NRXN3: variants seen among roughly 807,000 people sequenced by gnomAD.
NRXN3 encodes the protein neurexin 3.
In NRXN3, 32 loss-of-function variants were observed where a neutral mutation model predicts 137.6. That is an observed-to-expected ratio of 0.23 (90% confidence interval 0.18 to 0.31). The LOEUF is 0.31. Among genes scored for constraint, NRXN3 ranks in the 10% least tolerant of loss-of-function variants. NRXN3 has a pLI of 1.00. For missense variants in NRXN3, 1,574 were observed against 2,062.5 expected (o/e 0.76, Z 4.59); for synonymous variants, 798 against 784.5 (o/e 1.02, Z -0.29).
At chr14:78,511,741 A>G (rs1415905841) in intron 4 of NRXN3, among the ~76,000 whole-genome samples, 4 of 152,196 alleles carry the variant, frequency 2.6e-5, no homozygotes. Flanking sequence ...TTTATCCATC[A>G]TTACTAAGAA....
intron 4 of NRXN3, among the ~76,000 whole-genome samples, chr14:78,487,611 A>T (rs200875493): frequency 6.6e-6 from 1 of 151,930 alleles, no homozygotes; most frequent in Admixed American, 6.6e-5. Context: ...GTGTGGTGGC[A>T]TGCATCTCTA....
At chr14:78,590,945 C>G (rs1172346564) in intron 4 of NRXN3, among the ~76,000 whole-genome samples, 2 of 152,050 alleles carry the variant, frequency 1.3e-5, no homozygotes, top group African/African-American at 4.8e-5. Flanking sequence ...ATGGTAAATT[C>G]CAATTAACAA....
intron 16 of NRXN3, among the ~76,000 whole-genome samples, chr14:79,663,504 G>C (rs777160370): frequency 1.3e-5 from 2 of 152,078 alleles, no homozygotes; most frequent in Non-Finnish European, 2.9e-5. Flanking sequence ...ATAGCTACTA[G>C]GTAGTTCCAG....
Position 78,421,930 on chromosome 14 carries a change from T to C in NRXN3, c.757+124070T>C, listed in dbSNP as rs756954496. On this transcript the variant is annotated intron_variant, in intron 4 of 20. Coordinates refer to ENST00000335750, the MANE Select transcript of NRXN3 (RefSeq NM_001330195.2). ...AAGCAACAAGCGCCAGCTATTTCTCTAGTGGCATGTTAATCTTATGCAGTA... is the reference window on the plus strand; with the variant it reads ...AAGCAACAAGCGCCAGCTATTTCTCCAGTGGCATGTTAATCTTATGCAGTA... Among the ~76,000 whole-genome samples, 63 of 152,326 alleles carry C rather than the reference T, an allele frequency of 4.1e-4. 1 individual carries two copies. Among genetic ancestry groups the C allele is most frequent in the Non-Finnish European group, 6.5e-4 (44 of 68,022 alleles).
At chr14:78,231,487 C>T (rs6574427) in intron 1 of NRXN3, 38,165 of 152,138 alleles carry the variant, frequency 0.25, 4,908 homozygotes, top group Middle Eastern at 0.29. Context: ...GCAGTCTCTG[C>T]TGTATTTTGG....
intron 16 of NRXN3, among the ~76,000 whole-genome samples, chr14:79,538,962 C>T (rs974450392): frequency 6.6e-6 from 1 of 152,188 alleles, no homozygotes; most frequent in Non-Finnish European, 1.5e-5. Flanking sequence ...ACCCTGTGAA[C>T]TTATCCCTAT....
At chr14:78,348,274 A>G (rs971495347) in intron 4 of NRXN3, among the ~76,000 whole-genome samples, 18 of 152,206 alleles carry the variant, frequency 1.2e-4, no homozygotes, top group Admixed American at 1.1e-3. Context: ...GGGGATTCCT[A>G]TACACATTCT....
intron 1 of NRXN3, among the ~76,000 whole-genome samples, chr14:78,206,883 A>G (rs1473533630): frequency 6.6e-6 from 1 of 151,146 alleles, no homozygotes; most frequent in Non-Finnish European, 1.5e-5. Context: ...TTGTTTTTTG[A>G]GATGGAGTCT....
intron 14 of NRXN3, among the ~76,000 whole-genome samples, chr14:78,971,342 G>C (rs2099439160): frequency 6.6e-6 from 1 of 151,942 alleles, no homozygotes; most frequent in African/African-American, 2.4e-5. Flanking sequence ...ACAAGTAGGG[G>C]ATGAGGTTTT....
At chr14:79,468,785 G>T (rs1331880126) in intron 16 of NRXN3, among the ~76,000 whole-genome samples, 2 of 152,190 alleles carry the variant, frequency 1.3e-5, no homozygotes, top group African/African-American at 4.8e-5. Flanking sequence ...CCAGATCAGG[G>T]CAAGACTCTG....
At chr14:79,414,409 G>A (rs75525981) in intron 15 of NRXN3, among the ~76,000 whole-genome samples, 4,723 of 151,986 alleles carry the variant, frequency 0.031, 249 homozygotes, top group African/African-American at 0.11. Flanking sequence ...TCCTTTTAGG[G>A]ATTAGTTCTT....
At chr14:78,208,607 C>T (rs544467054) in intron 1 of NRXN3, among the ~76,000 whole-genome samples, 1 of 152,176 alleles carries the variant, frequency 6.6e-6, no homozygotes, top group Non-Finnish European at 1.5e-5. Flanking sequence ...ATTAGAGTGA[C>T]GAGGCTGGAG....
At chr14:79,848,229 T>G (rs1329174291) in intron 20 of NRXN3, among the ~76,000 whole-genome samples, 23 of 152,192 alleles carry the variant, frequency 1.5e-4, no homozygotes. Flanking sequence ...GAAAGGACAG[T>G]GCAAATGGCC....
chr14:78,609,947 C>A (rs970827408), intron 4 of NRXN3, among the ~76,000 whole-genome samples: 1 of 151,146 alleles, frequency 6.6e-6, no homozygotes, highest in Admixed American at 6.6e-5. Context: ...AAACAGGGAT[C>A]CTTGAAGAAG....
At chr14:78,965,522 G>A (rs896093854) in intron 11 of NRXN3, among the ~76,000 whole-genome samples, 3 of 152,068 alleles carry the variant, frequency 2.0e-5, no homozygotes, top group Non-Finnish European at 4.4e-5. Flanking sequence ...GAAAAATTAC[G>A]TGTTATTATA....
At chr14:78,646,813 C>T (rs1028453494) in intron 5 of NRXN3, among the ~76,000 whole-genome samples, 4 of 152,132 alleles carry the variant, frequency 2.6e-5, no homozygotes, top group African/African-American at 4.8e-5. Context: ...TATCTTCTTT[C>T]GTCATTCCTC....
rs1567302849 is a variant in NRXN3, at chr14:79,499,992, T to TGTGTGTGTGTG, written c.3444+32590_3444+32591insGTGTGTGTGTG. On this transcript the variant is annotated intron_variant, in intron 16 of 20. Coordinates refer to ENST00000335750, the MANE Select transcript of NRXN3 (RefSeq NM_001330195.2). ...GTGTGTGTGTGTGTGTGTGTGTGTGTTAAAGGACGAATAAAGTAAATAAAC... is the reference window on the plus strand; with the variant it reads ...GTGTGTGTGTGTGTGTGTGTGTGTGTGTGTGTGTGTGTAAAGGACGAATAAAGTAAATAAAC... Among the ~76,000 whole-genome samples the TGTGTGTGTGTG allele has an allele frequency of 4.9e-5, 7 of 144,100 alleles. No individual in the cohort carries two copies. In the South Asian group the frequency reaches 6.6e-4, roughly 14 times the overall value. 94.5% of individuals were successfully genotyped at this position (144,100 alleles called of 152,430 possible). A position where few individuals can be genotyped will look rare whatever the true frequency, so the allele number is the denominator to read the frequency against.
At chr14:79,408,697 C>A (rs2095359332) in intron 15 of NRXN3, among the ~76,000 whole-genome samples, 1 of 152,000 alleles carries the variant, frequency 6.6e-6, no homozygotes, top group Non-Finnish European at 1.5e-5. Flanking sequence ...CCTCCTCCAG[C>A]TCTACCTTCA....
intron 8 of NRXN3, among the ~76,000 whole-genome samples, chr14:78,750,863 TC>T (rs1348167613): frequency 7.9e-5 from 12 of 152,122 alleles, no homozygotes; most frequent in Admixed American, 6.5e-5. Context: ...CATTGGCCCT[TC>T]CTTTAGTTTC....
Sources: allele counts gnomAD v4.1 joint callset (sites outside exome capture counted in the v4.1 genomes callset), GRCh38; gene constraint gnomAD v4.1.1; transcripts MANE v1.5; gene names NCBI Gene and HGNC (gene_info 2026-07-23, HGNC 2026-07-21).